The following HAUS6 variants were observed in gnomAD, a reference collection of about 807,000 sequenced individuals.
HAUS6 encodes HAUS augmin like complex subunit 6.
Under a neutral mutation model 106.8 loss-of-function variants are expected in HAUS6, and 80 were observed. The observed-to-expected ratio is 0.75, with a 90% CI of 0.63 to 0.90. The LOEUF is 0.90. Ranked by LOEUF, HAUS6 falls within the 40% of genes least tolerant of loss-of-function variation. The probability of loss-of-function intolerance (pLI) is 0.00; values close to 1 mark genes in which losing one functional copy is unlikely to be tolerated. For missense variants in HAUS6, 1,155 were observed against 1,118.1 expected (o/e 1.03, Z -0.47); for synonymous variants, 356 against 379.1 (o/e 0.94, Z 0.71).
At chr9:19,064,900 G>A (rs1257075530) in intron 12 of HAUS6, 2 of 152,130 alleles carry the variant, frequency 1.3e-5, no homozygotes, top group Non-Finnish European at 2.9e-5. Context: ...AAAGCCCCCT[G>A]AAACAGAGCC....
At chr9:19,087,178 G>C in intron 5 of HAUS6, 22 bp from the exon 6 acceptor site, 1 of 1,294,738 alleles carries the variant, frequency 7.7e-7, no homozygotes, top group Non-Finnish European at 1.1e-6. Context: ...CATACAAAAT[G>C]ACAACTATAA....
chr9:19,059,476 G>C (rs993121745), intron 15 of HAUS6, among the ~76,000 whole-genome samples: 1 of 152,128 alleles, frequency 6.6e-6, no homozygotes, highest in African/African-American at 2.4e-5. Context: ...ACACAAGGTG[G>C]GGCCAAATTT....
intron 13 of HAUS6, 21 bp from the exon 14 acceptor site, chr9:19,063,214 A>G: frequency 1.3e-6 from 2 of 1,492,186 alleles, no homozygotes; most frequent in South Asian, 2.4e-5. Flanking sequence ...CAGATATGTA[A>G]TGTTAAACCC....
intron 9 of HAUS6, among the ~76,000 whole-genome samples, chr9:19,078,845 T>TA (rs34221496): frequency 7.9e-4 from 107 of 134,832 alleles, no homozygotes; most frequent in East Asian, 4.6e-3. Context: ...AAAATTAGTT[T>TA]AAAAAAAAAA....
At chr9:19,081,542 C>T (rs754944806) in intron 8 of HAUS6, among the ~76,000 whole-genome samples, 5 of 151,994 alleles carry the variant, frequency 3.3e-5, no homozygotes, top group Non-Finnish European at 5.9e-5. Flanking sequence ...AGCATTCAAG[C>T]GATCCTCCCA....
chr9:19,076,729 T>A, intron 10 of HAUS6, 25 bp from the exon 11 acceptor site: 1 of 1,035,960 alleles, frequency 9.7e-7, no homozygotes, highest in Non-Finnish European at 1.5e-6. Flanking sequence ...TTCACAATTT[T>A]GAAGTAAACA....
At chr9:19,070,167 A>G (rs913441159) in intron 12 of HAUS6, 52 bp downstream of exon 12, 1 of 1,022,640 alleles carries the variant, frequency 9.8e-7, no homozygotes, top group African/African-American at 1.6e-5. Context: ...TCTATTTTTT[A>G]TAAAATAAGA....
chr9:19,060,539 T>C (rs1396012534), intron 14 of HAUS6, among the ~76,000 whole-genome samples: 1 of 152,250 alleles, frequency 6.6e-6, no homozygotes, highest in African/African-American at 2.4e-5. Context: ...TAAGCTGCTG[T>C]CTGCCACAAC....
chr9:19,092,115 C>G lies in HAUS6; in HGVS notation c.436+1056G>C, dbSNP rs370495235. On this transcript the variant is annotated intron_variant, in intron 4 of 16. Coordinates refer to ENST00000380502, the MANE Select transcript of HAUS6 (RefSeq NM_017645.5). ...TTAAAATGTCTGGTCACATACGATG[C>G]TAATAAGCCTTTAGGAAAACAGACA... is the stretch of plus-strand genomic sequence containing the variant. 3.9e-5 allele frequency among the ~76,000 whole-genome samples: 6 copies of G among 152,080 alleles called. No homozygotes were observed. In the East Asian group the frequency reaches 9.6e-4, roughly 24 times the overall value.
intron 7 of HAUS6, among the ~76,000 whole-genome samples, chr9:19,083,386 G>A (rs1446913165): frequency 1.3e-5 from 2 of 152,160 alleles, no homozygotes; most frequent in East Asian, 3.9e-4. Context: ...GGGACTACAG[G>A]CACGCACCAC....
Position 19,085,992 on chromosome 9 carries a change from A to T in HAUS6, c.699+742T>A, listed in dbSNP as rs563118668. ...TTTATATATACAACCTATGAGTTTT[A>T]AAAAAAAAAAAAGTAATAGTACTAT... is the stretch of plus-strand genomic sequence containing the variant. On this transcript the variant is annotated intron_variant, in intron 7 of 16. Coordinates refer to ENST00000380502, the MANE Select transcript of HAUS6 (RefSeq NM_017645.5). Among the ~76,000 whole-genome samples the T allele has an allele frequency of 8.4e-3, 877 of 104,942 alleles. 10 individuals carry two copies. The highest frequency in any genetic ancestry group is 0.038 in the African/African-American group (822 of 21,870). The allele number at this position is 104,942 out of a possible 152,430, so 68.8% of individuals were successfully genotyped here. A position where few individuals can be genotyped will look rare whatever the true frequency, so the allele number is the denominator to read the frequency against.
At chr9:19,096,474 A>G (rs1817864273) in intron 2 of HAUS6, among the ~76,000 whole-genome samples, 200 bp downstream of exon 2, 1 of 148,290 alleles carries the variant, frequency 6.7e-6, no homozygotes, top group Admixed American at 6.8e-5. Flanking sequence ...CTGAGACAGG[A>G]GAATTTCTTG....
At position 19,082,943 on chromosome 9, in the gene HAUS6, A is replaced by G; in HGVS notation, c.800T>C (p.Leu267Ser). The stretch of plus-strand genomic sequence containing the variant: ...ATTAATAGCAACATTAGTTCCATCT[A>G]AAGCATATTGGTTAACAAGACTAAG... ...SVLSLVNQYALDGTNVAINIP... is the reference protein window; with the variant it reads ...SVLSLVNQYASDGTNVAINIP... The change falls in exon 8 of 17, where the codon TTA becomes TCA. Residue 267 changes from leucine to serine, a missense_variant. Leu to Ser is a moderately radical substitution (Grantham distance 145). Transcript: ENST00000380502. 2.6e-6 allele frequency: 4 copies of G among 1,549,604 alleles called. No individual in the cohort carries two copies. The highest frequency in any genetic ancestry group is 3.5e-6 in the Non-Finnish European group (4 of 1,134,264).
chr9:19,065,746 C>G (rs1170001905), intron 12 of HAUS6, among the ~76,000 whole-genome samples: 1 of 151,894 alleles, frequency 6.6e-6, no homozygotes, highest in African/African-American at 2.4e-5. Flanking sequence ...GAGGCTGAAG[C>G]AAGAGAATCG....
chr9:19,081,968 A>T (rs1837160773), intron 8 of HAUS6, among the ~76,000 whole-genome samples: 1 of 152,170 alleles, frequency 6.6e-6, no homozygotes, highest in Admixed American at 6.6e-5. Context: ...AGTATATAAT[A>T]GATGCTTGAT....
At chr9:19,065,969 T>G (rs1384707543) in intron 12 of HAUS6, among the ~76,000 whole-genome samples, 1 of 148,342 alleles carries the variant, frequency 6.7e-6, no homozygotes, top group Non-Finnish European at 1.5e-5. Context: ...AGACTCTCAC[T>G]CTGTCGCCCA....
rs1352753973 is a variant in HAUS6, at chr9:19,054,980, G to A, written c.*1363C>T. On this transcript the variant is annotated 3_prime_UTR_variant, in exon 17 of 17. Coordinates refer to ENST00000380502, the MANE Select transcript of HAUS6 (RefSeq NM_017645.5). The stretch of plus-strand genomic sequence containing the variant: ...TGATTTGTTTTATTAACTAATAAAA[G>A]AAAACAGCAACTTAGGAGAAGATTT... 2.0e-5 allele frequency: 3 copies of A among 152,126 alleles called. No homozygotes were observed. The highest frequency in any genetic ancestry group is 2.0e-4 in the Admixed American group (3 of 15,280). 9.4% of individuals were successfully genotyped at this position (152,126 alleles called of 1,614,324 possible). A position where few individuals can be genotyped will look rare whatever the true frequency, so the allele number is the denominator to read the frequency against.
At chr9:19,097,397 T>G (rs1012802428) in intron 1 of HAUS6, among the ~76,000 whole-genome samples, 2 of 151,642 alleles carry the variant, frequency 1.3e-5, no homozygotes, top group Non-Finnish European at 2.9e-5. Flanking sequence ...TCAAACAAAT[T>G]TACAAGAAAA....
chr9:19,085,548 T>G (rs1189055747), intron 7 of HAUS6, among the ~76,000 whole-genome samples: 2 of 151,736 alleles, frequency 1.3e-5, no homozygotes, highest in Non-Finnish European at 2.9e-5. Context: ...GAAGCCAAAT[T>G]TATACCCACA....
Sources: gnomAD v4.1 joint callset for allele counts (sites outside exome capture counted in the v4.1 genomes callset) on GRCh38, gnomAD v4.1.1 for gene constraint, MANE v1.5 for transcripts, NCBI Gene and HGNC (gene_info 2026-07-23, HGNC 2026-07-21) for gene names.